The following OPCML variants were observed in gnomAD, a reference collection of about 807,000 sequenced individuals.
OPCML encodes opioid binding protein/cell adhesion molecule like, also known as opioid-binding protein/cell adhesion molecule.
Under a neutral mutation model 37.8 loss-of-function variants are expected in OPCML, and 13 were observed. The observed-to-expected ratio is 0.34, with a 90% CI of 0.22 to 0.55. The LOEUF (loss-of-function observed/expected upper bound fraction) is 0.55. Among genes scored for constraint, OPCML ranks in the 20% least tolerant of loss-of-function variants. OPCML has a pLI of 0.91. For missense variants in OPCML, 341 were observed against 435.6 expected, an observed-to-expected ratio of 0.78 and a Z score of 1.93; for synonymous variants, 176 against 168.8, an observed-to-expected ratio of 1.04 and a Z score of -0.33.
chr11:132,588,994 T>G (rs756250736), intron 3 of OPCML, among the ~76,000 whole-genome samples: 1 of 152,196 alleles, frequency 6.6e-6, no homozygotes, highest in Non-Finnish European at 1.5e-5. Flanking sequence ...TTATGTTGAG[T>G]CTCTATAATT....
At chr11:133,367,680 C>T (rs548942834) in intron 1 of OPCML, among the ~76,000 whole-genome samples, 1 of 152,172 alleles carries the variant, frequency 6.6e-6, no homozygotes, top group African/African-American at 2.4e-5. Context: ...TCACAAATCC[C>T]ATCTGTTTCT....
intron 1 of OPCML, chr11:133,004,943 C>T: frequency 5.1e-6 from 5 of 985,430 alleles, no homozygotes; most frequent in Non-Finnish European, 6.0e-6. Context: ...CTTCCCTCCA[C>T]TGCACCGAGC....
At chr11:132,663,584 A>C (rs1207720874) in intron 2 of OPCML, among the ~76,000 whole-genome samples, 1 of 152,236 alleles carries the variant, frequency 6.6e-6, no homozygotes, top group Admixed American at 6.5e-5. Flanking sequence ...TCCTTGCATC[A>C]TATCAGGCTG....
At chr11:133,265,917 G>C (rs1941644831) in intron 1 of OPCML, among the ~76,000 whole-genome samples, 1 of 152,198 alleles carries the variant, frequency 6.6e-6, no homozygotes, top group Non-Finnish European at 1.5e-5. Context: ...AGATGGCTTT[G>C]CAGGCATCGG....
intron 1 of OPCML, among the ~76,000 whole-genome samples, chr11:133,210,671 C>T (rs1450320052): frequency 6.6e-6 from 1 of 152,104 alleles, no homozygotes; most frequent in African/African-American, 2.4e-5. Flanking sequence ...AAGGTTCCAA[C>T]ATACATGGCT....
At chr11:133,216,765 C>T (rs563241024) in intron 1 of OPCML, among the ~76,000 whole-genome samples, 3 of 152,184 alleles carry the variant, frequency 2.0e-5, no homozygotes, top group East Asian at 1.9e-4. Flanking sequence ...ATAATGTGTA[C>T]GTACATTCAT....
Position 132,759,034 on chromosome 11 carries a change from C to T in OPCML, c.147-101715G>A, listed in dbSNP as rs946374187. Among the ~76,000 whole-genome samples, 7 of 152,052 alleles carry T rather than the reference C, an allele frequency of 4.6e-5. No individual in the cohort carries two copies. The East Asian group carries it at 5.8e-4, about 13-fold the overall frequency. On this transcript the variant is annotated intron_variant, in intron 2 of 7. Transcript: ENST00000524381. Reference sequence around the variant, plus strand: ...AAAGGGGGTTGAATTTTGTCAAAGGCCTTTTCTGCATCTATTGAAATAATC... The same window carrying T: ...AAAGGGGGTTGAATTTTGTCAAAGGTCTTTTCTGCATCTATTGAAATAATC...
Position 133,208,800 on chromosome 11 carries a change from A to C in OPCML, c.62-265790T>G, listed in dbSNP as rs1939228803. The stretch of plus-strand genomic sequence containing the variant: ...ACCAAAGGGATACACCAAGTGCTGG[A>C]GTGAAGATATAAGACTTCATTCCCT... On this transcript the variant is annotated intron_variant, in intron 1 of 7. Coordinates refer to ENST00000524381, the MANE Select transcript of OPCML (RefSeq NM_001012393.5). The surrounding 1 kb of genome is among the most constrained non-coding windows in gnomAD (Gnocchi z 8.9). 6.6e-6 allele frequency among the ~76,000 whole-genome samples: 1 copy of C among 152,220 alleles called. No individual in the cohort carries two copies. The highest frequency in any genetic ancestry group is 2.4e-5 in the African/African-American group (1 of 41,454).
chr11:133,422,826 T>C, intron 1 of OPCML: 1 of 908,392 alleles, frequency 1.1e-6, no homozygotes, highest in South Asian at 5.1e-5. Flanking sequence ...TCAGAAAGTA[T>C]TCTCAAACCC....
intron 4 of OPCML, among the ~76,000 whole-genome samples, chr11:132,484,988 C>T (rs927334845): frequency 6.6e-6 from 1 of 152,070 alleles, no homozygotes. Flanking sequence ...TTAGTGGGTG[C>T]AGCACACCAG....
chr11:132,709,141 C>G (rs1231110607), intron 2 of OPCML, among the ~76,000 whole-genome samples: 1 of 152,190 alleles, frequency 6.6e-6, no homozygotes, highest in Non-Finnish European at 1.5e-5. Context: ...GCAGATAACC[C>G]GGTGCCTCCA....
intron 1 of OPCML, among the ~76,000 whole-genome samples, chr11:133,056,884 C>A (rs929468532): frequency 6.6e-6 from 1 of 152,180 alleles, no homozygotes; most frequent in South Asian, 2.1e-4. Context: ...GCTCTTGTTG[C>A]CCAGGCTGGA....
chr11:132,556,269 G>T (rs899824356), intron 3 of OPCML, among the ~76,000 whole-genome samples: 8 of 152,090 alleles, frequency 5.3e-5, no homozygotes, highest in African/African-American at 1.9e-4. Flanking sequence ...TATAGTAAGG[G>T]AACCAGAACA....
At chr11:132,676,658 A>G (rs1942714634) in intron 2 of OPCML, among the ~76,000 whole-genome samples, 1 of 151,884 alleles carries the variant, frequency 6.6e-6, no homozygotes, top group African/African-American at 2.4e-5. Context: ...AGATATATAA[A>G]TGGCCAATAA....
At chr11:132,461,202 C>T (rs990036099) in intron 4 of OPCML, among the ~76,000 whole-genome samples, 3 of 152,080 alleles carry the variant, frequency 2.0e-5, no homozygotes, top group African/African-American at 7.2e-5. Context: ...CCTTTGTATG[C>T]TAATGCCATG....
At chr11:133,053,249 G>T (rs1948164292) in intron 1 of OPCML, among the ~76,000 whole-genome samples, 1 of 152,188 alleles carries the variant, frequency 6.6e-6, no homozygotes, top group Admixed American at 6.5e-5. Context: ...GATGGAGACT[G>T]CTTGGCACAG....
At chr11:133,444,876 C>G (rs550757372) in intron 1 of OPCML, among the ~76,000 whole-genome samples, 8 of 147,288 alleles carry the variant, frequency 5.4e-5, no homozygotes, top group African/African-American at 2.2e-4. Context: ...TACACAATTT[C>G]AGGTATGAAA....
rs186645675 is a variant in OPCML, at chr11:132,601,463, G to A, written c.379+55624C>T. Among the ~76,000 whole-genome samples, 83 of 152,270 alleles carry A rather than the reference G, an allele frequency of 5.5e-4. No individual in the cohort carries two copies. In the South Asian group the frequency reaches 0.01, roughly 19 times the overall value. On this transcript the variant is annotated intron_variant, in intron 3 of 7. Coordinates refer to ENST00000524381, the MANE Select transcript of OPCML (RefSeq NM_001012393.5). ...ACTCATTTGTCAAAACCTGTGTCTT[G>A]ATTAGAAAGCACGAATATTATATCC...
In OPCML at chr11:133,417,463, TTTTATTTA is replaced by T. The variant is rs143828312; in HGVS notation, c.61+114793_61+114800del. On this transcript the variant is annotated intron_variant, in intron 1 of 7. Transcript: ENST00000524381. ...AAGCAAGTCACTAGCACCTGGATTC[TTTTATTTA>T]TTTATTTATTTATTTATTTATTATT... Among the ~76,000 whole-genome samples, 221 of 151,492 alleles carry T rather than the reference TTTTATTTA, an allele frequency of 1.5e-3. 1 individual carries two copies. Among genetic ancestry groups the T allele is most frequent in the Non-Finnish European group, 1.3e-3 (90 of 67,874 alleles).
Sources: allele counts gnomAD v4.1 joint callset (sites outside exome capture counted in the v4.1 genomes callset), GRCh38; gene constraint gnomAD v4.1.1; non-coding constraint Gnocchi (gnomAD v3.1); transcripts MANE v1.5; gene names NCBI Gene and HGNC (gene_info 2026-07-23, HGNC 2026-07-21).